TMEM74: variants seen among roughly 807,000 people sequenced by gnomAD.
TMEM74 encodes the protein transmembrane protein 74.
In TMEM74, 13 loss-of-function variants were observed where a neutral mutation model predicts 18.1. The ratio of observed to expected loss-of-function variants is 0.72; its 90% CI spans 0.47 to 1.14. The LOEUF (loss-of-function observed/expected upper bound fraction) is 1.14. TMEM74 is among the 50% of genes most tolerant of loss of function. The pLI is 0.00. For missense variants in TMEM74, 372 were observed against 375.9 expected (o/e 0.99, Z 0.09); for synonymous variants, 159 against 146.6 (o/e 1.08, Z -0.61).
chr8:108,702,327 G>GGATGTGAT (rs1813344579), intron 1 of TMEM74, among the ~76,000 whole-genome samples: 1 of 146,256 alleles, frequency 6.8e-6, no homozygotes, highest in African/African-American at 2.6e-5. Context: ...CCCTGGCGAC[G>GGATGTGAT]GTGTGAGACT....
At chr8:108,744,769 A>T (rs1277322895) in intron 1 of TMEM74, among the ~76,000 whole-genome samples, 1 of 152,192 alleles carries the variant, frequency 6.6e-6, no homozygotes, top group Non-Finnish European at 1.5e-5. Flanking sequence ...CTAAAGTTAC[A>T]ATTGGCATGC....
intron 1 of TMEM74, among the ~76,000 whole-genome samples, chr8:108,787,046 C>A (rs2129677736): frequency 6.6e-6 from 1 of 152,320 alleles, no homozygotes; most frequent in African/African-American, 2.4e-5. Flanking sequence ...AGACTCTTTT[C>A]TTCCGTCCTC....
At chr8:108,637,862 AG>A (rs1427937883) in intron 2 of TMEM74, among the ~76,000 whole-genome samples, 1 of 152,200 alleles carries the variant, frequency 6.6e-6, no homozygotes. Flanking sequence ...ACAAGTCTTT[AG>A]CCAAAACACT....
chr8:108,654,581 CAAG>C (rs1408919281), intron 2 of TMEM74, among the ~76,000 whole-genome samples: 2 of 152,038 alleles, frequency 1.3e-5, no homozygotes, highest in Non-Finnish European at 2.9e-5. Context: ...GGAGTCTTTT[CAAG>C]AAGAAGGAGA....
Position 108,675,937 on chromosome 8 carries a change from G to A in TMEM74, n.120-20500C>T, listed in dbSNP as rs573387635. ...TAATGAGATAATATTATTCATATTA[G>A]TTATAATATAGGAGCAAAATAATTA... On this transcript the variant is annotated intron_variant and non_coding_transcript_variant, in intron 1 of 3. Transcript: ENST00000518838. 6.0e-4 allele frequency among the ~76,000 whole-genome samples: 91 copies of A among 152,264 alleles called. 1 individual carries two copies. Among genetic ancestry groups the A allele is most frequent in the African/African-American group, 2.2e-3 (90 of 41,562 alleles).
rs1291610142 is a variant in TMEM74 at position 108,780,998 on chromosome 8, A to T, written c.*3183T>A. ...CTTATAAAGATATTAGGAGCCTTAA[A>T]TCATCCACCAGCAGCGTGTAGATCC... On this transcript the variant is annotated 3_prime_UTR_variant, in exon 2 of 2. Transcript: ENST00000297459. Among the ~76,000 whole-genome samples the T allele has an allele frequency of 6.6e-6, 1 of 152,114 alleles. No homozygotes were observed. The highest frequency in any genetic ancestry group is 1.5e-5 in the Non-Finnish European group (1 of 68,006).
intron 1 of TMEM74, among the ~76,000 whole-genome samples, chr8:108,770,132 A>G (rs1358555100): frequency 6.6e-6 from 1 of 152,110 alleles, no homozygotes; most frequent in Non-Finnish European, 1.5e-5. Flanking sequence ...GTTCCCACCT[A>G]CCAAGTGGCT....
downstream of TMEM74, among the ~76,000 whole-genome samples, chr8:108,777,820 A>G (rs1364465475): frequency 6.6e-6 from 1 of 152,198 alleles, no homozygotes; most frequent in Non-Finnish European, 1.5e-5. Context: ...GTGAGAATTA[A>G]ATGAGGTGAG....
intron 2 of TMEM74, among the ~76,000 whole-genome samples, chr8:108,616,228 T>C (rs1279318563): frequency 6.6e-6 from 1 of 152,216 alleles, no homozygotes; most frequent in Non-Finnish European, 1.5e-5. Context: ...TCCTCATTTC[T>C]GAAGGGGAAT....
At position 108,782,884 on chromosome 8, in the gene TMEM74, A is replaced by C. The variant is rs1814325268; in HGVS notation, c.*1297T>G. Among the ~76,000 whole-genome samples the C allele has an allele frequency of 6.6e-6, 1 of 152,124 alleles. No individual in the cohort carries two copies. The highest frequency in any genetic ancestry group is 2.1e-4 in the South Asian group (1 of 4,816). On this transcript the variant is annotated 3_prime_UTR_variant, in exon 2 of 2. Coordinates refer to ENST00000297459, the MANE Select transcript of TMEM74 (RefSeq NM_153015.3). ...GGCTGCATTTCCCATCCCTTTTCTGAACCGTCACCATAATGAGGCGGTCTG... is the reference window on the plus strand; with the variant it reads ...GGCTGCATTTCCCATCCCTTTTCTGCACCGTCACCATAATGAGGCGGTCTG...
intron 2 of TMEM74, among the ~76,000 whole-genome samples, chr8:108,622,188 C>A (rs961456899): frequency 1.3e-5 from 2 of 152,040 alleles, no homozygotes; most frequent in Non-Finnish European, 2.9e-5. Flanking sequence ...AGTCTAGGTA[C>A]CCTCAGAACT....
At chr8:108,622,964 G>A (rs1271412748) in intron 2 of TMEM74, among the ~76,000 whole-genome samples, 1 of 151,974 alleles carries the variant, frequency 6.6e-6, no homozygotes, top group Non-Finnish European at 1.5e-5. Flanking sequence ...CATTCAAATT[G>A]CTTAAAGTTT....
chr8:108,720,100 T>C (rs1299485678), intron 1 of TMEM74, among the ~76,000 whole-genome samples: 1 of 152,162 alleles, frequency 6.6e-6, no homozygotes, highest in Admixed American at 6.5e-5. Flanking sequence ...TGTTCTTAAT[T>C]ATCTGACTTC....
At chr8:108,765,383 T>A (rs1338745881) in intron 1 of TMEM74, among the ~76,000 whole-genome samples, 1 of 148,466 alleles carries the variant, frequency 6.7e-6, no homozygotes, top group Admixed American at 6.8e-5. Context: ...ACAACCTAAC[T>A]AAGGTCTTAG....
chr8:108,700,829 G>A (rs1395952807), intron 1 of TMEM74, among the ~76,000 whole-genome samples: 1 of 152,150 alleles, frequency 6.6e-6, no homozygotes, highest in Admixed American at 6.5e-5. Flanking sequence ...GCATGGCAGA[G>A]CCAATCTCAA....
Position 108,784,182 on chromosome 8 carries a change from T to C in TMEM74, c.917A>G (p.Ter306=), listed in dbSNP as rs1814344436. Residue 306 remains the stop codon, a stop_retained_variant, in exon 2 of 2, where the codon TAA becomes TGA. Coordinates refer to ENST00000297459, the MANE Select transcript of TMEM74 (RefSeq NM_153015.3). ...CTCTCAAGATATTCACAACCAGAATTAACTCTGTACAGCAAGCGCATCTTC... is the reference window on the plus strand; with the variant it reads ...CTCTCAAGATATTCACAACCAGAATCAACTCTGTACAGCAAGCGCATCTTC... ...VEEDALAVQS[*] The C allele has an allele frequency of 1.9e-6, 3 of 1,589,152 alleles. No individual in the cohort carries two copies. The highest frequency in any genetic ancestry group is 2.6e-6 in the Non-Finnish European group (3 of 1,165,596).
intron 1 of TMEM74, among the ~76,000 whole-genome samples, chr8:108,728,591 A>C (rs780504368): frequency 2.0e-5 from 3 of 152,134 alleles, no homozygotes; most frequent in Non-Finnish European, 4.4e-5. Flanking sequence ...ATTTATTGCT[A>C]TTCATTCAAT....
chr8:108,659,026 A>T (rs1347552277), intron 1 of TMEM74, among the ~76,000 whole-genome samples: 2 of 152,190 alleles, frequency 1.3e-5, no homozygotes, highest in African/African-American at 2.4e-5. Context: ...CAGATCTGTC[A>T]CAATAAGGCA....
At chr8:108,607,245 A>G (rs1812282796) in exon 4 of TMEM74, 1 of 152,214 alleles carries the variant, frequency 6.6e-6, no homozygotes, top group Non-Finnish European at 1.5e-5. Flanking sequence ...ATGACAGGAG[A>G]GCATGCAGAA....
Sources: allele counts gnomAD v4.1 joint callset (sites outside exome capture counted in the v4.1 genomes callset), GRCh38; gene constraint gnomAD v4.1.1; transcripts MANE v1.5; gene names NCBI Gene and HGNC (gene_info 2026-07-23, HGNC 2026-07-21).